POLA2: variants seen among roughly 807,000 people sequenced by gnomAD.
POLA2 encodes DNA polymerase alpha subunit B.
Under a neutral mutation model 82.8 loss-of-function variants are expected in POLA2, and 47 were observed. The ratio of observed to expected loss-of-function variants is 0.57; its 90% CI spans 0.45 to 0.72. The LOEUF is 0.72. Among genes scored for constraint, POLA2 ranks in the 30% least tolerant of loss-of-function variants. The pLI is 0.00. For synonymous variants in POLA2, 287 were observed against 286.8 expected (o/e 1.00, Z -0.01); for missense variants, 634 against 728.1 (o/e 0.87, Z 1.49).
chr11:65,287,992 T>C, intron 11 of POLA2, 152 bp downstream of exon 11: 1 of 867,424 alleles, frequency 1.2e-6, no homozygotes, highest in Non-Finnish European at 1.7e-6. Context: ...TATATATCTA[T>C]GGGCCTTTGC....
Position 65,266,589 on chromosome 11 carries a change from G to C in POLA2, c.87G>C (p.Glu29Asp). The change falls in exon 2 of 18, where the codon GAG becomes GAC. Residue 29 changes from glutamate (E) to aspartate (D), a missense_variant. By Grantham distance (45) the Glu-to-Asp change is conservative (BLOSUM62 2). Coordinates refer to ENST00000265465, the MANE Select transcript of POLA2 (RefSeq NM_002689.4). ...CAATTTTCCTTTCTACAGTGGTAGAGCTTTGTGTTCAGTATGGACAGAATG... is the reference window on the plus strand; with the variant it reads ...CAATTTTCCTTTCTACAGTGGTAGACCTTTGTGTTCAGTATGGACAGAATG... ...CEEALIEKLV[E>D]LCVQYGQNEE... 6.2e-7 allele frequency: 1 copy of C among 1,614,166 alleles called. No homozygotes were observed. Among genetic ancestry groups the C allele is most frequent in the South Asian group, 1.1e-5 (1 of 91,084 alleles).
intron 17 of POLA2, chr11:65,296,246 C>A: frequency 2.4e-6 from 1 of 409,074 alleles, no homozygotes. Flanking sequence ...GGAAGGCCCT[C>A]AAATGAGGGC....
At chr11:65,304,071 AGAG>A (rs1949872622) in intron 8 of POLA2, among the ~76,000 whole-genome samples, 1 of 152,132 alleles carries the variant, frequency 6.6e-6, no homozygotes, top group African/African-American at 2.4e-5. Flanking sequence ...GGTGCTGCAC[AGAG>A]GAGGGGTCAC....
chr11:65,287,718 T>C lies in POLA2; in HGVS notation c.1009T>C (p.Phe337Leu). Residue 337 changes from phenylalanine to leucine, a missense_variant and splice_region_variant, in exon 11 of 18, where the codon TTT becomes CTT. Phe to Leu is a conservative substitution (Grantham distance 22). Transcript: ENST00000265465. ...FYQPTEEDAD[F>L]EQSMVLVACG... Reference sequence around the variant, plus strand: ...AAGACCTATAACCTCTGTCTTAGACTTTGAGCAAAGCATGGTCCTGGTTGC... The same window carrying C: ...AAGACCTATAACCTCTGTCTTAGACCTTGAGCAAAGCATGGTCCTGGTTGC... 1 of 1,613,370 alleles carries C rather than the reference T, an allele frequency of 6.2e-7. No individual in the cohort carries two copies. The highest frequency in any genetic ancestry group is 8.5e-7 in the Non-Finnish European group (1 of 1,179,568).
chr11:65,289,601 AG>A (rs1949733125), intron 12 of POLA2, among the ~76,000 whole-genome samples, 197 bp from the exon 13 acceptor site: 1 of 152,210 alleles, frequency 6.6e-6, no homozygotes, highest in Non-Finnish European at 1.5e-5. Flanking sequence ...TGCATTCAAG[AG>A]GGTTAATTCC....
chr11:65,295,973 C>T lies in POLA2; in HGVS notation c.1630C>T (p.Leu544=), dbSNP rs1949806934. The change falls in exon 17 of 18, where the codon CTG becomes TTG. Residue 544 remains leucine, a synonymous_variant. Transcript: ENST00000265465. ...AGATGTCCTCATCATCCCGTCAGAG[C>T]TGAGGTACTTCGTGAAGGTAGGTTT... ...TPDVLIIPSE[L]RYFVKDVLGC... The T allele has an allele frequency of 6.2e-7, 1 of 1,614,200 alleles. No individual in the cohort carries two copies. The highest frequency in any genetic ancestry group is 1.3e-5 in the African/African-American group (1 of 75,062).
rs770837681 is a variant in POLA2 at position 65,281,728 on chromosome 11, A to G, written c.959A>G (p.Tyr320Cys). The stretch of plus-strand genomic sequence containing the variant: ...AGGAAACTTGTTGCCACCAAACTCT[A>G]CGAGGTACACAGCAGTACCCCCACT... The part of the protein sequence containing the change: ...TGRKLVATKL[Y>C]EGVPLPFYQP... Residue 320 changes from tyrosine to cysteine, a missense_variant, in exon 9 of 18, where the codon TAC becomes TGC. By Grantham distance (194) the Tyr-to-Cys change is radical. Transcript: ENST00000265465. 5.6e-6 allele frequency: 9 copies of G among 1,612,628 alleles called. No individual in the cohort carries two copies. Among genetic ancestry groups the G allele is most frequent in the East Asian group, 4.5e-5 (2 of 44,872 alleles).
At chr11:65,293,158 CAG>C (rs1949772435) in intron 13 of POLA2, among the ~76,000 whole-genome samples, 2 of 152,050 alleles carry the variant, frequency 1.3e-5, no homozygotes, top group African/African-American at 4.8e-5. Flanking sequence ...AATAGAAACT[CAG>C]GGCATTATTT....
At chr11:65,272,511 TCTG>T (rs1164165633) in intron 4 of POLA2, among the ~76,000 whole-genome samples, 1 of 152,206 alleles carries the variant, frequency 6.6e-6, no homozygotes, top group African/African-American at 2.4e-5. Flanking sequence ...TCACCATAAA[TCTG>T]CTGATGATTT....
At chr11:65,266,035 T>C (rs143234460) in intron 1 of POLA2, among the ~76,000 whole-genome samples, 173 of 152,288 alleles carry the variant, frequency 1.1e-3, no homozygotes, top group Non-Finnish European at 1.9e-3. Context: ...CTGTCTCCAG[T>C]TGGATGTCTA....
At chr11:65,299,513 C>A (rs768168190), downstream of POLA2, among the ~76,000 whole-genome samples, 1 of 152,188 alleles carries the variant, frequency 6.6e-6, no homozygotes, top group Non-Finnish European at 1.5e-5. Flanking sequence ...ATTAGGGCCT[C>A]GAGGGGCACC....
At chr11:65,273,884 G>A (rs1949547953) in intron 4 of POLA2, among the ~76,000 whole-genome samples, 1 of 151,942 alleles carries the variant, frequency 6.6e-6, no homozygotes, top group South Asian at 2.1e-4. Flanking sequence ...TCAAATTATG[G>A]GAAAAGCTGT....
chr11:65,279,093 T>C (rs536943463), intron 6 of POLA2, among the ~76,000 whole-genome samples, 170 bp downstream of exon 6: 1 of 152,364 alleles, frequency 6.6e-6, no homozygotes, highest in African/African-American at 2.4e-5. Flanking sequence ...CGGGCAATAC[T>C]ATCAGTGATT....
chr11:65,284,833 G>C (rs888323483), intron 10 of POLA2, among the ~76,000 whole-genome samples: 2 of 152,044 alleles, frequency 1.3e-5, no homozygotes, highest in Non-Finnish European at 2.9e-5. Context: ...AACCCTCAAG[G>C]CATTTTTGTA....
chr11:65,289,110 G>C (rs1349048751), intron 12 of POLA2, 22 bp downstream of exon 12: 2 of 1,602,712 alleles, frequency 1.2e-6, no homozygotes, highest in South Asian at 2.2e-5. Flanking sequence ...GGGGTGGGAA[G>C]GGGTCCTGGG....
rs756095115 is a variant in POLA2, at chr11:65,297,102, C to A, written c.1648-18C>A. On this transcript the variant is annotated intron_variant, in intron 17 of 17. Coordinates refer to ENST00000265465, the MANE Select transcript of POLA2 (RefSeq NM_002689.4). ...AGTTGAGGCTCTCCAAACCTGTCAC[C>A]TCTCCTCTCCTCCCCAGGATGTCCT... 9.3e-6 allele frequency: 15 copies of A among 1,613,528 alleles called. No individual in the cohort carries two copies. Among genetic ancestry groups the A allele is most frequent in the Non-Finnish European group, 1.3e-5 (15 of 1,179,792 alleles).
chr11:65,268,689 A>T lies in POLA2; in HGVS notation c.314A>T (p.Glu105Val). Residue 105 changes from glutamate to valine, a missense_variant, in exon 4 of 18, where the codon GAA (glutamate) becomes GTA (valine). Physicochemically the swap from Glu to Val is moderately radical, Grantham distance 121. Transcript: ENST00000265465. ...GTTCTTAGAATTGAAGTGGAAGAAG[A>T]AGAGGAAATCCTCTTGAACTCTTAC... ...SIQELIEVEE[E>V]EEILLNSYTT... is the part of the protein sequence containing the mutation. The T allele has an allele frequency of 6.3e-7, 1 of 1,599,774 alleles. No individual in the cohort carries two copies. Among genetic ancestry groups the T allele is most frequent in the Non-Finnish European group, 8.5e-7 (1 of 1,173,240 alleles).
chr11:65,302,233 G>A (rs1260961383), downstream of POLA2, among the ~76,000 whole-genome samples: 6 of 152,248 alleles, frequency 3.9e-5, no homozygotes, highest in Admixed American at 3.3e-4. Flanking sequence ...CCCAGGGGCT[G>A]AAGCATTTTG....
chr11:65,273,696 G>C (rs1450078712), intron 4 of POLA2, among the ~76,000 whole-genome samples: 1 of 151,684 alleles, frequency 6.6e-6, no homozygotes, highest in African/African-American at 2.4e-5. Flanking sequence ...GTGTCACTAT[G>C]TTGCTCAGGC....
Sources: gnomAD v4.1 joint callset for allele counts (sites outside exome capture counted in the v4.1 genomes callset) on GRCh38, gnomAD v4.1.1 for gene constraint, MANE v1.5 for transcripts, NCBI Gene and HGNC (gene_info 2026-07-23, HGNC 2026-07-21) for gene names.